KAZN: variants seen among roughly 807,000 people sequenced by gnomAD.
KAZN encodes kazrin, periplakin interacting protein.
A neutral mutation model predicts 87.4 loss-of-function variants in KAZN; 40 were observed. The observed-to-expected ratio is 0.46, with a 90% CI of 0.36 to 0.60. The LOEUF (loss-of-function observed/expected upper bound fraction) is 0.60, where lower values mean the gene tolerates loss of function less well. Among genes scored for constraint, KAZN ranks in the 20% least tolerant of loss-of-function variants. The pLI, the probability that KAZN is intolerant of heterozygous loss-of-function variation, is 0.00. For synonymous variants in KAZN, 466 were observed against 458.3 expected, an observed-to-expected ratio of 1.02 and a Z score of -0.22; for missense variants, 898 against 1,073.9, an observed-to-expected ratio of 0.84 and a Z score of 2.29.
Position 14,534,019 on chromosome 1 carries a change from G to A in KAZN, c.250-64964G>A, listed in dbSNP as rs1268889333. On this transcript the variant is annotated intron_variant, in intron 2 of 16. Transcript: ENST00000636203. ...GATCTCAAAAGTTCTATTTCTTTAT[G>A]AGTTTTCCTTAGCCTAAACCGTCCT... Among the ~76,000 whole-genome samples the A allele has an allele frequency of 2.0e-5, 3 of 152,092 alleles. No homozygotes were observed. The South Asian group carries it at 6.2e-4, about 32-fold the overall frequency.
At chr1:14,038,037 A>T (rs1391025922) in intron 1 of KAZN, among the ~76,000 whole-genome samples, 1 of 152,026 alleles carries the variant, frequency 6.6e-6, no homozygotes, top group Non-Finnish European at 1.5e-5. Context: ...CCATCTGTCC[A>T]CCCATCTATT....
chr1:14,471,041 C>T lies in KAZN; in HGVS notation c.250-127942C>T, dbSNP rs367922644. On this transcript the variant is annotated intron_variant, in intron 2 of 16. Transcript: ENST00000636203. ...CTCCCTTGGAAGTGAGTCTTTCACA[C>T]GCAGTCTAGCCTTCTGATGGCTGCA... Among the ~76,000 whole-genome samples the T allele has an allele frequency of 5.3e-5, 8 of 152,276 alleles. No homozygotes were observed. In the East Asian group the frequency reaches 1.5e-3, roughly 29 times the overall value.
intron 2 of KAZN, among the ~76,000 whole-genome samples, chr1:14,274,212 A>T (rs1334588760): frequency 1.3e-5 from 2 of 152,196 alleles, no homozygotes. Flanking sequence ...ATGTTTGCAC[A>T]TCTCTCATTA....
At chr1:14,785,991 G>T (rs1025900387) in intron 1 of KAZN, among the ~76,000 whole-genome samples, 1 of 152,158 alleles carries the variant, frequency 6.6e-6, no homozygotes, top group African/African-American at 2.4e-5. Flanking sequence ...TGTAAAATGG[G>T]AATGTTAATA....
intron 1 of KAZN, among the ~76,000 whole-genome samples, chr1:14,684,740 C>T (rs1045402693): frequency 3.3e-5 from 5 of 152,196 alleles, no homozygotes; most frequent in Non-Finnish European, 7.3e-5. Context: ...TCTGTTGTCA[C>T]ATGGCCTTCC....
chr1:15,112,390 A>C lies in KAZN; in HGVS notation c.2049-37A>C, dbSNP rs761764316. 2.0e-5 allele frequency: 24 copies of C among 1,188,116 alleles called. No homozygotes were observed. In the South Asian group the frequency reaches 3.1e-4, roughly 15 times the overall value. 73.6% of individuals were successfully genotyped at this position (1,188,116 alleles called of 1,614,324 possible). ...GTGTGTGTGTCTGGGGAGCTGACTG[A>C]GCCTCCCCTGCTGACTCAAAATGGT... On this transcript the variant is annotated intron_variant, in intron 13 of 14. Coordinates refer to ENST00000376030, the MANE Select transcript of KAZN (RefSeq NM_201628.3).
chr1:15,022,675 G>A (rs1200817662), intron 2 of KAZN, among the ~76,000 whole-genome samples: 5 of 152,218 alleles, frequency 3.3e-5, no homozygotes, highest in African/African-American at 7.2e-5. Context: ...TTTAAGGCAT[G>A]GGAAGTAGCC....
At chr1:14,149,104 C>CTTTTTTTTT (rs57657728) in intron 1 of KAZN, among the ~76,000 whole-genome samples, 1 of 69,592 alleles carries the variant, frequency 1.4e-5, no homozygotes, top group African/African-American at 5.5e-5. Context: ...TCTTTCTTTC[C>CTTTTTTTTT]TTTTTTTTTT....
At chr1:14,985,007 T>G (rs988223341) in intron 2 of KAZN, among the ~76,000 whole-genome samples, 1 of 151,750 alleles carries the variant, frequency 6.6e-6, no homozygotes, top group East Asian at 1.9e-4. Context: ...GTGGTGGTGC[T>G]CACCTGTAGT....
At chr1:14,823,907 A>T (rs928058033) in intron 1 of KAZN, among the ~76,000 whole-genome samples, 6 of 152,154 alleles carry the variant, frequency 3.9e-5, no homozygotes, top group African/African-American at 1.4e-4. Context: ...TGAGGTCAGG[A>T]GTTCAAGACC....
chr1:14,616,049 C>T (rs1678212432), intron 1 of KAZN, among the ~76,000 whole-genome samples: 1 of 152,126 alleles, frequency 6.6e-6, no homozygotes, highest in Non-Finnish European at 1.5e-5. Context: ...AAGGTGGCAC[C>T]AGAGGGAAGT....
At chr1:14,486,494 G>A (rs941458009) in intron 2 of KAZN, among the ~76,000 whole-genome samples, 2 of 152,132 alleles carry the variant, frequency 1.3e-5, no homozygotes, top group Non-Finnish European at 2.9e-5. Context: ...TAGCATCATA[G>A]TTCATTACTC....
intron 2 of KAZN, among the ~76,000 whole-genome samples, chr1:14,406,389 A>G (rs1663855295): frequency 6.6e-6 from 1 of 152,238 alleles, no homozygotes. Flanking sequence ...TGGCATTTGC[A>G]GCAACCTGGA....
chr1:14,582,853 T>G (rs1484557065), intron 2 of KAZN, among the ~76,000 whole-genome samples: 1 of 152,192 alleles, frequency 6.6e-6, no homozygotes, highest in Non-Finnish European at 1.5e-5. Flanking sequence ...AAAAACACGC[T>G]CTTAAAGGGG....
Position 14,725,972 on chromosome 1 carries a change from T to C in KAZN, c.226+126749T>C, listed in dbSNP as rs566182224. ...ACTGAATAGCGTCATGGGTTGCATC[T>C]AGGTTGCACTAAACACTGTTATCTC... On this transcript the variant is annotated intron_variant, in intron 1 of 14. Coordinates refer to ENST00000376030, the MANE Select transcript of KAZN (RefSeq NM_201628.3). Among the ~76,000 whole-genome samples the C allele has an allele frequency of 2.0e-5, 3 of 152,318 alleles. No homozygotes were observed. In the South Asian group the frequency reaches 6.2e-4, roughly 32 times the overall value.
chr1:14,724,483 T>C (rs768231593), intron 1 of KAZN, among the ~76,000 whole-genome samples: 1 of 152,162 alleles, frequency 6.6e-6, no homozygotes, highest in African/African-American at 2.4e-5. Flanking sequence ...CCTAAGTAGA[T>C]TACTCAGCAT....
chr1:13,967,816 G>T (rs886316553), intron 1 of KAZN, among the ~76,000 whole-genome samples: 5 of 152,188 alleles, frequency 3.3e-5, no homozygotes, highest in Non-Finnish European at 7.3e-5. Context: ...GGCGGGGCTG[G>T]ATCTGCTCTC....
At chr1:14,348,270 T>G (rs1033294084) in intron 2 of KAZN, among the ~76,000 whole-genome samples, 1 of 152,130 alleles carries the variant, frequency 6.6e-6, no homozygotes, top group Non-Finnish European at 1.5e-5. Context: ...CAGGCTGGTC[T>G]TGAACTCCTG....
chr1:14,259,913 A>T (rs1357671543), intron 2 of KAZN, among the ~76,000 whole-genome samples: 1 of 152,210 alleles, frequency 6.6e-6, no homozygotes, highest in East Asian at 1.9e-4. Context: ...CCTTGAACAT[A>T]TAAATGGGCT....
Sources: allele counts gnomAD v4.1 joint callset (sites outside exome capture counted in the v4.1 genomes callset), GRCh38; gene constraint gnomAD v4.1.1; transcripts MANE v1.5; gene names NCBI Gene and HGNC (gene_info 2026-07-23, HGNC 2026-07-21).